The following HIF3A variants were observed in gnomAD, a reference collection of about 807,000 sequenced individuals.
HIF3A encodes hypoxia inducible factor 3 subunit alpha.
Under a neutral mutation model 67.2 loss-of-function variants are expected in HIF3A, and 41 were observed. The observed-to-expected ratio is 0.61, with a 90% confidence interval of 0.48 to 0.79. The LOEUF is 0.79. Ranked by LOEUF, HIF3A falls within the 30% of genes least tolerant of loss-of-function variation. The probability of loss-of-function intolerance (pLI) is 0.00; values close to 1 mark genes in which losing one functional copy is unlikely to be tolerated. For missense variants in HIF3A, 855 were observed against 898.0 expected (o/e 0.95, Z 0.61); for synonymous variants, 356 against 374.8 (o/e 0.95, Z 0.58).
At chr19:46,323,177 A>T (rs567698029) in intron 10 of HIF3A, among the ~76,000 whole-genome samples, 3 of 151,900 alleles carry the variant, frequency 2.0e-5, no homozygotes, top group Non-Finnish European at 4.4e-5. Flanking sequence ...CAGCCTCCCA[A>T]GTAGCTGAGA....
At chr19:46,338,940 C>T (rs544076475) in intron 14 of HIF3A, among the ~76,000 whole-genome samples, 5 of 151,910 alleles carry the variant, frequency 3.3e-5, no homozygotes, top group African/African-American at 9.6e-5. Flanking sequence ...GAAGGGGAGA[C>T]GGGTTGGTGT....
Position 46,312,225 on chromosome 19 carries a change from C to T in HIF3A, c.835C>T (p.His279Tyr), listed in dbSNP as rs749404102. ...CGGCTGTTCCGCCTACGAGTACATC[C>T]ACGCGCTGGACTCCGATGCGGTCAG... ...LIGCSAYEYI[H>Y]ALDSDAVSKS... The change falls in exon 7 of 15, where the codon CAC becomes TAC. Residue 279 changes from histidine to tyrosine, a missense_variant. Transcript: ENST00000377670. 6.2e-7 allele frequency: 1 copy of T among 1,614,018 alleles called. No homozygotes were observed.
chr19:46,306,746 T>C (rs1048462394), intron 3 of HIF3A, among the ~76,000 whole-genome samples: 1 of 152,202 alleles, frequency 6.6e-6, no homozygotes, highest in South Asian at 2.1e-4. Context: ...GTGAGCTTTT[T>C]GGACCCAGAG....
chr19:46,339,582 G>T lies in HIF3A; in HGVS notation c.1970G>T (p.Gly657Val), dbSNP rs1266808109. 3 of 1,607,990 alleles carry T rather than the reference G, an allele frequency of 1.9e-6. No homozygotes were observed. The highest frequency in any genetic ancestry group is 2.2e-5 in the East Asian group (1 of 44,456). ...YSDEDTTQPG[G>V]PFQPRAGSAQ... ...GACGAGGACACTACCCAGCCCGGGG[G>T]CCCCTTCCAGCCAAGGGCAGGCTCA... Residue 657 changes from glycine (G) to valine (V), a missense_variant, in exon 15 of 15, where the codon GGC becomes GTC. Gly to Val is a moderately radical substitution (Grantham distance 109, BLOSUM62 -3). Coordinates refer to ENST00000377670, the MANE Select transcript of HIF3A (RefSeq NM_152795.4).
chr19:46,303,601 A>G (rs1968521333), intron 1 of HIF3A: 2 of 1,553,994 alleles, frequency 1.3e-6, no homozygotes, highest in African/African-American at 1.4e-5. Context: ...TAAACTGCAG[A>G]TAAGTCAGGG....
intron 8 of HIF3A, among the ~76,000 whole-genome samples, chr19:46,319,817 C>A (rs1970217945): frequency 6.6e-6 from 1 of 152,162 alleles, no homozygotes. Context: ...GCCGCCCCAC[C>A]CCCTTCCCTC....
At position 46,297,158 on chromosome 19, in the gene HIF3A, C is replaced by A. The variant is rs549280624; in HGVS notation, c.26+56C>A. On this transcript the variant is annotated intron_variant, in intron 1 of 14. Transcript: ENST00000377670. The surrounding 1 kb of genome is among the most constrained non-coding windows in gnomAD (Gnocchi z 4.5). ...AATTGGGGGGCTCTCCTCCTGGAGA[C>A]CCCTGAGCTGGATTGTTGGGGGGGG... The A allele has an allele frequency of 4.1e-5, 43 of 1,038,636 alleles. 1 individual carries two copies. The highest frequency in any genetic ancestry group is 2.9e-5 in the East Asian group (1 of 34,232). The allele number at this position is 1,038,636 out of a possible 1,614,324, so 64.3% of individuals were successfully genotyped here.
At chr19:46,321,708 A>C in intron 9 of HIF3A, 68 bp from the exon 10 acceptor site, 2 of 1,389,350 alleles carry the variant, frequency 1.4e-6, no homozygotes, top group South Asian at 2.5e-5. Context: ...TGGGGTTGGT[A>C]TGGAGGGCTC....
Position 46,309,146 on chromosome 19 carries a change from C to T in HIF3A, c.562-5C>T, listed in dbSNP as rs776001864. 3.1e-6 allele frequency: 5 copies of T among 1,610,242 alleles called. No individual in the cohort carries two copies. The highest frequency in any genetic ancestry group is 3.4e-6 in the Non-Finnish European group (4 of 1,177,398). On this transcript the variant is annotated splice_region_variant and splice_polypyrimidine_tract_variant and intron_variant, in intron 5 of 14. Coordinates refer to ENST00000377670, the MANE Select transcript of HIF3A (RefSeq NM_152795.4). ...ACTGCCTTGTCCCCTCATCTCGGCC[C>T]CCAGGTGCTGAACTGCTCTGGACAT...
intron 12 of HIF3A, 35 bp from the exon 13 acceptor site, chr19:46,331,121 G>T (rs116502170): frequency 1.9e-6 from 3 of 1,552,614 alleles, no homozygotes; most frequent in African/African-American, 1.4e-5. Flanking sequence ...GCCCAGGTTT[G>T]CTGTGTCCTG....
At chr19:46,334,856 G>A in intron 13 of HIF3A, 49 bp from the exon 14 acceptor site, 1 of 1,488,776 alleles carries the variant, frequency 6.7e-7, no homozygotes, top group South Asian at 1.2e-5. Flanking sequence ...GCTGTTCCTT[G>A]GATACTAATG....
chr19:46,303,860 C>A (rs758588946), intron 1 of HIF3A, 38 bp from the exon 2 acceptor site: 1 of 1,588,034 alleles, frequency 6.3e-7, no homozygotes, highest in Non-Finnish European at 8.6e-7. Context: ...TTTTCTCTTT[C>A]CCGAGTCACC....
At chr19:46,318,470 G>T (rs1195748093) in intron 8 of HIF3A, among the ~76,000 whole-genome samples, 1 of 143,936 alleles carries the variant, frequency 6.9e-6, no homozygotes, top group East Asian at 2.2e-4. Flanking sequence ...GGATCACTGA[G>T]CCTGGGAGAT....
At chr19:46,334,736 G>T (rs1343210455) in intron 13 of HIF3A, among the ~76,000 whole-genome samples, 169 bp from the exon 14 acceptor site, 1 of 151,704 alleles carries the variant, frequency 6.6e-6, no homozygotes, top group African/African-American at 2.4e-5. Context: ...TTGTAGAGAT[G>T]AGATCTCACT....
chr19:46,334,918 C>T lies in HIF3A; in HGVS notation c.1844C>T (p.Thr615Ile), dbSNP rs767724643. 65 of 1,609,040 alleles carry T rather than the reference C, an allele frequency of 4.0e-5. No individual in the cohort carries two copies. The Admixed American group carries it at 1.1e-3, about 27-fold the overall frequency. Reference protein sequence around the residue: ...LFPLSLSFLLTGGPAPGSLQD... With the variant: ...LFPLSLSFLLIGGPAPGSLQD... ...TCTCTCCCACAGAGTTTCCTTCTGA[C>T]AGGAGGACCAGCCCCAGGGAGCCTG... Residue 615 changes from threonine (T) to isoleucine (I), a missense_variant, in exon 14 of 15, where the codon ACA (threonine) becomes ATA (isoleucine). Transcript: ENST00000377670.
At chr19:46,301,997 T>C (rs1968379637) in intron 1 of HIF3A, among the ~76,000 whole-genome samples, 1 of 152,144 alleles carries the variant, frequency 6.6e-6, no homozygotes, top group Non-Finnish European at 1.5e-5. Flanking sequence ...TATTTATCAA[T>C]ATAAATGTAG....
chr19:46,308,747 C>T lies in HIF3A; in HGVS notation c.533C>T (p.Thr178Ile), dbSNP rs778555132. ...MKSTLTSRGRTLNLKAATWKV... is the reference protein window; with the variant it reads ...MKSTLTSRGRILNLKAATWKV... ...AGTACACTCACCAGCCGCGGGCGCA[C>T]CCTCAACCTCAAGGCGGCCACCTGG... Residue 178 changes from threonine to isoleucine, a missense_variant, in exon 5 of 15, where the codon ACC becomes ATC. Thr to Ile is a moderately conservative substitution (Grantham distance 89). This residue lies in a region of HIF3A where 638 missense variants were observed against 660.5 expected (regional missense o/e 0.97). Transcript: ENST00000377670. 9.3e-6 allele frequency: 15 copies of T among 1,609,280 alleles called. No homozygotes were observed. The Admixed American group carries it at 2.5e-4, about 27-fold the overall frequency.
At chr19:46,319,810 G>A (rs1430644228) in intron 8 of HIF3A, among the ~76,000 whole-genome samples, 2 of 151,980 alleles carry the variant, frequency 1.3e-5, no homozygotes, top group African/African-American at 2.4e-5. Flanking sequence ...TTTCAGTGCC[G>A]CCCCACCCCC....
At chr19:46,300,200 A>G (rs1326430433) in intron 1 of HIF3A, among the ~76,000 whole-genome samples, 1 of 152,132 alleles carries the variant, frequency 6.6e-6, no homozygotes, top group African/African-American at 2.4e-5. Flanking sequence ...TTACAGTATC[A>G]CTGTTATTTA....
Sources: allele counts gnomAD v4.1 joint callset (sites outside exome capture counted in the v4.1 genomes callset), GRCh38; gene constraint gnomAD v4.1.1; regional missense constraint gnomAD v4.1.1; non-coding constraint Gnocchi (gnomAD v3.1); transcripts MANE v1.5; gene names NCBI Gene and HGNC (gene_info 2026-07-23, HGNC 2026-07-21).